Variants in RBFOX3 observed in about 807,000 individuals in gnomAD.
The protein encoded by RBFOX3 is RNA binding fox-1 homolog 3.
Under a neutral mutation model 48.7 loss-of-function variants are expected in RBFOX3, and 17 were observed. That is an observed-to-expected ratio of 0.35 (90% CI 0.24 to 0.52). RBFOX3 has a LOEUF of 0.52. RBFOX3 is among the 20% of genes least tolerant of loss of function. The pLI is 0.94. For synonymous variants in RBFOX3, 212 were observed against 209.5 expected (o/e 1.01, Z -0.10); for missense variants, 382 against 497.5 (o/e 0.77, Z 2.21).
chr17:79,335,564 C>A (rs755963239), intron 2 of RBFOX3, among the ~76,000 whole-genome samples: 1 of 152,188 alleles, frequency 6.6e-6, no homozygotes, highest in Non-Finnish European at 1.5e-5. Context: ...TCCCAGGCTA[C>A]ACTGGAGTGT....
intron 4 of RBFOX3, among the ~76,000 whole-genome samples, chr17:79,159,710 T>G (rs979320661): frequency 2.0e-5 from 3 of 151,686 alleles, no homozygotes; most frequent in Non-Finnish European, 4.4e-5. Context: ...ACACACAGAG[T>G]GACGTGCACC....
At chr17:79,164,541 C>T (rs147356278) in intron 4 of RBFOX3, among the ~76,000 whole-genome samples, 1,734 of 152,306 alleles carry the variant, frequency 0.011, 35 homozygotes, top group African/African-American at 0.04. Flanking sequence ...GGTGCCTTGG[C>T]GCATGGCCAG....
intron 2 of RBFOX3, among the ~76,000 whole-genome samples, chr17:79,348,260 G>C (rs1488016053): frequency 1.3e-5 from 2 of 152,204 alleles, no homozygotes; most frequent in African/African-American, 4.8e-5. Context: ...ATTAACACCT[G>C]CACCTGAGCC....
chr17:79,250,897 C>T (rs1023582461), intron 3 of RBFOX3, among the ~76,000 whole-genome samples: 3 of 151,616 alleles, frequency 2.0e-5, no homozygotes, highest in African/African-American at 7.3e-5. Context: ...CTCCACCTCC[C>T]GGGTTCTCCC....
chr17:79,475,480 A>T (rs1249728071), intron 2 of RBFOX3, among the ~76,000 whole-genome samples: 10 of 152,046 alleles, frequency 6.6e-5, no homozygotes, highest in Non-Finnish European at 1.5e-4. Context: ...GCCTTGGAGG[A>T]TACAGTGGGT....
rs547418770 is a variant in RBFOX3, at chr17:79,196,986, C to T, written c.-34+38780G>A. ...CTCTCTGCACTGCCCTCCAGCACCC[C>T]GGGTGGACTGACGCCTGCTAACAGG... On this transcript the variant is annotated intron_variant, in intron 4 of 14. Coordinates refer to ENST00000693108, the MANE Select transcript of RBFOX3 (RefSeq NM_001350451.2). Among the ~76,000 whole-genome samples, 1,092 of 152,294 alleles carry T rather than the reference C, an allele frequency of 7.2e-3. 6 individuals carry two copies. The highest frequency in any genetic ancestry group is 0.012 in the Non-Finnish European group (806 of 68,032).
At chr17:79,661,258 C>T in the RBFOX3 span, among the ~76,000 whole-genome samples, 1 of 152,034 alleles carries the variant, frequency 6.6e-6, no homozygotes, top group East Asian at 1.9e-4. Flanking sequence ...ACATCCTGCA[C>T]ATGTACCCAT....
At chr17:79,644,910 A>C in the RBFOX3 span, among the ~76,000 whole-genome samples, 3 of 152,216 alleles carry the variant, frequency 2.0e-5, no homozygotes, top group African/African-American at 7.2e-5. Flanking sequence ...CTGGTTCTAA[A>C]ATTTTTATGG....
chr17:79,295,916 A>G (rs1195321653), intron 3 of RBFOX3, among the ~76,000 whole-genome samples: 2 of 152,146 alleles, frequency 1.3e-5, no homozygotes, highest in African/African-American at 4.8e-5. Flanking sequence ...ATTTGTAAAT[A>G]ATACTTAATT....
Position 79,285,099 on chromosome 17 carries a change from C to T in RBFOX3, c.-74+22625G>A, listed in dbSNP as rs144744475. Among the ~76,000 whole-genome samples, 905 of 152,288 alleles carry T rather than the reference C, an allele frequency of 5.9e-3. 4 individuals are homozygous for T. The highest frequency in any genetic ancestry group is 0.021 in the African/African-American group (854 of 41,558). On this transcript the variant is annotated intron_variant, in intron 3 of 14. Transcript: ENST00000693108. ...AATGGGAGTGGTGCTACCTGCCTTG[C>T]GGATGTGTTGGAGGATGAGAAAGAA...
intron 3 of RBFOX3, among the ~76,000 whole-genome samples, chr17:79,288,036 G>A (rs1017555032): frequency 3.3e-5 from 5 of 152,088 alleles, no homozygotes; most frequent in African/African-American, 4.8e-5. Flanking sequence ...AAGTCCCCAC[G>A]AGGCCCTGCC....
At chr17:79,510,194 T>A (rs1300340939) in intron 1 of RBFOX3, among the ~76,000 whole-genome samples, 3 of 151,934 alleles carry the variant, frequency 2.0e-5, no homozygotes, top group Non-Finnish European at 2.9e-5. Context: ...TCGACAGAGG[T>A]GCCACGGAAA....
At chr17:79,554,247 T>C (rs2091413905) in intron 1 of RBFOX3, among the ~76,000 whole-genome samples, 1 of 152,180 alleles carries the variant, frequency 6.6e-6, no homozygotes, top group Non-Finnish European at 1.5e-5. Flanking sequence ...GTTACTTTTG[T>C]TCTCTCATTT....
At chr17:79,368,488 G>A (rs1418860008) in intron 2 of RBFOX3, among the ~76,000 whole-genome samples, 1 of 152,226 alleles carries the variant, frequency 6.6e-6, no homozygotes, top group Non-Finnish European at 1.5e-5. Context: ...TGCCACACTT[G>A]GGAGTCAGTC....
In RBFOX3 at chr17:79,248,961, G is replaced by A. The variant is rs567652649; in HGVS notation, c.-73-13156C>T. ...CTGCCTCTTCTGTGGGAGGGCCCCC[G>A]CCTGCCACTCGCCAAGCCCCCATTC... On this transcript the variant is annotated intron_variant, in intron 3 of 14. Coordinates refer to ENST00000693108, the MANE Select transcript of RBFOX3 (RefSeq NM_001350451.2). Among the ~76,000 whole-genome samples, 103 of 152,288 alleles carry A rather than the reference G, an allele frequency of 6.8e-4. 2 individuals are homozygous for A. The South Asian group carries it at 0.02, about 29-fold the overall frequency.
intron 1 of RBFOX3, among the ~76,000 whole-genome samples, chr17:79,498,006 C>G (rs1049366865): frequency 2.6e-5 from 4 of 152,240 alleles, no homozygotes; most frequent in African/African-American, 7.2e-5. Context: ...GTGGGAACAG[C>G]TGTGGGTGCT....
At chr17:79,340,299 A>AT in intron 2 of RBFOX3, among the ~76,000 whole-genome samples, 2 of 55,642 alleles carry the variant, frequency 3.6e-5, no homozygotes, top group African/African-American at 5.6e-5. Context: ...ACTCCATCTC[A>AT]AAAAAAAAAA....
chr17:79,196,453 G>A lies in RBFOX3; in HGVS notation c.-34+39313C>T, dbSNP rs79835779. Among the ~76,000 whole-genome samples the A allele has an allele frequency of 5.2e-3, 794 of 152,278 alleles. 6 individuals carry two copies. The highest frequency in any genetic ancestry group is 0.018 in the African/African-American group (758 of 41,534). Reference sequence around the variant, plus strand: ...GGACGGCAGTACCTCTCTCAGTATCGCATTCCCACAATACCTTGTGAGGAT... The same window carrying A: ...GGACGGCAGTACCTCTCTCAGTATCACATTCCCACAATACCTTGTGAGGAT... On this transcript the variant is annotated intron_variant, in intron 4 of 14. Coordinates refer to ENST00000693108, the MANE Select transcript of RBFOX3 (RefSeq NM_001350451.2).
rs1427901056 is a variant in RBFOX3, at chr17:79,198,610, C to G, written c.-34+37156G>C. On this transcript the variant is annotated intron_variant, in intron 4 of 14. Transcript: ENST00000693108. This position sits in a 1 kb window ranked among gnomAD's most constrained non-coding sequence, Gnocchi z 8.2. The stretch of plus-strand genomic sequence containing the variant: ...TTTAGAGATGTGAGAAGCCTCCCTG[C>G]TTTTGAACTTTCTCTCTCTCTTTTT... Among the ~76,000 whole-genome samples the G allele has an allele frequency of 7.2e-6, 1 of 138,556 alleles. No individual in the cohort carries two copies. Among genetic ancestry groups the G allele is most frequent in the African/African-American group, 2.7e-5 (1 of 36,984 alleles). 90.9% of individuals were successfully genotyped at this position (138,556 alleles called of 152,430 possible). A position where few individuals can be genotyped will look rare whatever the true frequency, so the allele number is the denominator to read the frequency against.
Sources: gnomAD v4.1 joint callset for allele counts (sites outside exome capture counted in the v4.1 genomes callset) on GRCh38, gnomAD v4.1.1 for gene constraint, Gnocchi (gnomAD v3.1) non-coding constraint, MANE v1.5 for transcripts, NCBI Gene and HGNC (gene_info 2026-07-23, HGNC 2026-07-21) for gene names.